FAR2: variants seen among roughly 807,000 people sequenced by gnomAD.
FAR2 encodes epididymis secretory protein Li 81.
Under a neutral mutation model 56.0 loss-of-function variants are expected in FAR2, and 19 were observed. The observed-to-expected ratio is 0.34, with a 90% CI of 0.24 to 0.50. FAR2 has a LOEUF of 0.50. FAR2 is among the 20% of genes least tolerant of loss of function. The probability of loss-of-function intolerance (pLI) is 0.98; values close to 1 mark genes in which losing one functional copy is unlikely to be tolerated. For synonymous variants in FAR2, 219 were observed against 218.8 expected (o/e 1.00, Z -0.01); for missense variants, 508 against 642.2 (o/e 0.79, Z 2.26).
intron 1 of FAR2, among the ~76,000 whole-genome samples, chr12:29,181,748 A>T (rs1047835606): frequency 5.3e-5 from 8 of 152,166 alleles, no homozygotes; most frequent in Non-Finnish European, 8.8e-5. Context: ...CACCCTAATT[A>T]TTTTTTCTGT....
intron 1 of FAR2, among the ~76,000 whole-genome samples, chr12:29,194,794 A>G (rs976047034): frequency 6.6e-5 from 10 of 152,136 alleles, no homozygotes; most frequent in African/African-American, 2.4e-4. Flanking sequence ...AGCTTGCCCC[A>G]GTGTTGGACA....
At position 29,321,860 on chromosome 12, in the gene FAR2, G is replaced by A. The variant is rs1361431188; in HGVS notation, c.1193G>A (p.Ser398Asn). 2 of 1,613,942 alleles carry A rather than the reference G, an allele frequency of 1.2e-6. No individual in the cohort carries two copies. The highest frequency in any genetic ancestry group is 1.3e-5 in the African/African-American group (1 of 75,032). ...ATGTTGGAGTATTTCATCAACCGGA[G>A]TTGGGAATGGAGCACGTACAATACA... Reference protein sequence around the residue: ...VSMLEYFINRSWEWSTYNTEM... With the variant: ...VSMLEYFINRNWEWSTYNTEM... Residue 398 changes from serine to asparagine, a missense_variant, in exon 10 of 12, where the codon AGT becomes AAT. Ser to Asn is a conservative substitution (Grantham distance 46). Transcript: ENST00000536681.
At chr12:29,290,481 C>T (rs1948947822) in intron 2 of FAR2, among the ~76,000 whole-genome samples, 1 of 151,872 alleles carries the variant, frequency 6.6e-6, no homozygotes, top group Non-Finnish European at 1.5e-5. Context: ...CCATATGATC[C>T]AGCAGTCCCA....
chr12:29,204,703 C>T (rs1321845662), intron 1 of FAR2, among the ~76,000 whole-genome samples: 2 of 152,096 alleles, frequency 1.3e-5, no homozygotes, highest in East Asian at 1.9e-4. Context: ...TCTAGAAAGG[C>T]CTTAGGTAAC....
At chr12:29,159,124 A>G (rs1036368318) in intron 1 of FAR2, among the ~76,000 whole-genome samples, 1 of 152,200 alleles carries the variant, frequency 6.6e-6, no homozygotes, top group African/African-American at 2.4e-5. Context: ...TTTTTCAGTA[A>G]TGATACCCAA....
intron 2 of FAR2, among the ~76,000 whole-genome samples, chr12:29,292,801 GT>G (rs1316688491): frequency 6.6e-6 from 1 of 152,168 alleles, no homozygotes; most frequent in East Asian, 1.9e-4. Context: ...TCAGTGGTGT[GT>G]TACTGCAATT....
chr12:29,327,213 T>C (rs1949663526), intron 10 of FAR2, among the ~76,000 whole-genome samples: 2 of 152,180 alleles, frequency 1.3e-5, no homozygotes, highest in Non-Finnish European at 2.9e-5. Context: ...GAAGGACCTC[T>C]TCAAGGAAAA....
At chr12:29,181,537 C>T (rs1055221349) in intron 1 of FAR2, among the ~76,000 whole-genome samples, 1 of 151,716 alleles carries the variant, frequency 6.6e-6, no homozygotes, top group Non-Finnish European at 1.5e-5. Context: ...TCCACTCTCA[C>T]CACATAACTC....
chr12:29,322,958 G>T (rs1949577599), intron 10 of FAR2, among the ~76,000 whole-genome samples: 1 of 152,192 alleles, frequency 6.6e-6, no homozygotes, highest in South Asian at 2.1e-4. Flanking sequence ...CCACTGTCCG[G>T]CACTCCCCAG....
At chr12:29,264,810 A>T (rs1311591414) in intron 1 of FAR2, among the ~76,000 whole-genome samples, 1 of 152,066 alleles carries the variant, frequency 6.6e-6, no homozygotes, top group Non-Finnish European at 1.5e-5. Flanking sequence ...GTTAGAACTG[A>T]TAAACAAATT....
intron 1 of FAR2, chr12:29,156,842 G>A (rs1949731781): frequency 6.6e-6 from 1 of 151,854 alleles, no homozygotes; most frequent in South Asian, 2.1e-4. Context: ...AGCTAGTCCA[G>A]GTATTTCCAT....
At chr12:29,332,385 T>C (rs1028325270) in intron 10 of FAR2, among the ~76,000 whole-genome samples, 2 of 152,196 alleles carry the variant, frequency 1.3e-5, no homozygotes, top group African/African-American at 4.8e-5. Flanking sequence ...GTGAAGTGTT[T>C]GTGTTTGATC....
At chr12:29,284,966 C>G (rs191768707) in intron 2 of FAR2, among the ~76,000 whole-genome samples, 2,931 of 152,104 alleles carry the variant, frequency 0.019, 39 homozygotes, top group Non-Finnish European at 0.033. Flanking sequence ...CTTAGCCTCC[C>G]GAGTAGCTGG....
intron 2 of FAR2, among the ~76,000 whole-genome samples, chr12:29,284,865 G>A (rs1948845153): frequency 8.3e-6 from 1 of 120,404 alleles, no homozygotes; most frequent in Admixed American, 8.3e-5. Flanking sequence ...GTTTTGAGAT[G>A]GAGTCTCGCT....
At chr12:29,282,237 ATTTATC>A (rs1266209126) in intron 2 of FAR2, 1 of 152,188 alleles carries the variant, frequency 6.6e-6, no homozygotes, top group African/African-American at 2.4e-5. Context: ...AAGAGTTTGG[ATTTATC>A]TTTAACACTG....
chr12:29,246,615 G>C (rs577733779), intron 1 of FAR2, among the ~76,000 whole-genome samples: 1 of 151,918 alleles, frequency 6.6e-6, no homozygotes, highest in Non-Finnish European at 1.5e-5. Flanking sequence ...TAAAATAAAG[G>C]GTCAAATTAA....
In FAR2 at chr12:29,157,106, TTATATATATATATA is replaced by T. The variant is rs5797307; in HGVS notation, c.-39+7725_-39+7738del. On this transcript the variant is annotated intron_variant, in intron 1 of 11. Coordinates refer to ENST00000536681, the MANE Select transcript of FAR2 (RefSeq NM_001271783.2). Reference sequence around the variant, plus strand: ...CACCAGTATTAAAGCAAAGAACATTTTATATATATATATATATATATATATATATATATATATAT... The same window carrying T: ...CACCAGTATTAAAGCAAAGAACATTTTATATATATATATATATATATATAT... 1.2e-3 allele frequency: 87 copies of T among 73,450 alleles called. No individual in the cohort carries two copies. In the Middle Eastern group the frequency reaches 0.036, roughly 30 times the overall value. 4.5% of individuals were successfully genotyped at this position (73,450 alleles called of 1,614,324 possible).
intron 1 of FAR2, among the ~76,000 whole-genome samples, chr12:29,209,660 A>G (rs1176545462): frequency 6.8e-6 from 1 of 147,622 alleles, no homozygotes; most frequent in Admixed American, 6.8e-5. Context: ...GAATATGTCA[A>G]CTCTTTTCTG....
intron 5 of FAR2, among the ~76,000 whole-genome samples, chr12:29,308,712 A>T (rs1949296483): frequency 7.3e-6 from 1 of 137,530 alleles, no homozygotes; most frequent in African/African-American, 3.3e-5. Flanking sequence ...ACACACACAC[A>T]CACACACATA....
Sources: allele counts gnomAD v4.1 joint callset (sites outside exome capture counted in the v4.1 genomes callset), GRCh38; gene constraint gnomAD v4.1.1; transcripts MANE v1.5; gene names NCBI Gene and HGNC (gene_info 2026-07-23, HGNC 2026-07-21).